Variants in CEP85L observed in about 807,000 individuals in gnomAD.
The protein encoded by CEP85L is centrosomal protein 85L.
A neutral mutation model predicts 100.3 loss-of-function variants in CEP85L; 60 were observed. That is an observed-to-expected ratio of 0.60 (90% CI 0.49 to 0.74). The LOEUF (loss-of-function observed/expected upper bound fraction) is 0.74. CEP85L is among the 30% of genes least tolerant of loss of function. The probability of loss-of-function intolerance (pLI) is 0.00; values close to 1 mark genes in which losing one functional copy is unlikely to be tolerated. For missense variants in CEP85L, 973 were observed against 936.2 expected (o/e 1.04, Z -0.51); for synonymous variants, 319 against 322.7 (o/e 0.99, Z 0.12).
At chr6:118,514,985 T>A (rs1397333174) in intron 4 of CEP85L, among the ~76,000 whole-genome samples, 2 of 151,594 alleles carry the variant, frequency 1.3e-5, no homozygotes, top group Admixed American at 6.6e-5. Context: ...TTTTTTTTTT[T>A]AATTTTGTGA....
intron 8 of CEP85L, among the ~76,000 whole-genome samples, chr6:118,481,160 C>T (rs12199189): frequency 0.029 from 4,475 of 151,934 alleles, 108 homozygotes; most frequent in African/African-American, 0.056. Flanking sequence ...AGGAGCCAAT[C>T]ACTTCAATTT....
chr6:118,498,461 A>C (rs1775061550), intron 5 of CEP85L, among the ~76,000 whole-genome samples: 1 of 152,214 alleles, frequency 6.6e-6, no homozygotes. Context: ...AGATTAATCT[A>C]CTATCGCAGT....
At chr6:118,644,086 G>C (rs1775040906) in intron 1 of CEP85L, among the ~76,000 whole-genome samples, 1 of 152,210 alleles carries the variant, frequency 6.6e-6, no homozygotes, top group African/African-American at 2.4e-5. Context: ...AGCTCCACTG[G>C]ATTAGATAAT....
At chr6:118,682,771 G>GCACACA (rs201043236) in intron 1 of CEP85L, among the ~76,000 whole-genome samples, 238 of 138,254 alleles carry the variant, frequency 1.7e-3, no homozygotes, top group Middle Eastern at 7.5e-3. Context: ...GCCTGAGCAT[G>GCACACA]CACACACACA....
intron 2 of CEP85L, among the ~76,000 whole-genome samples, chr6:118,566,811 T>C (rs1464241329): frequency 6.6e-6 from 1 of 152,236 alleles, no homozygotes; most frequent in Admixed American, 6.5e-5. Flanking sequence ...AGATTGGATT[T>C]TCTAAATATG....
At chr6:118,651,748 C>T (rs1264905330), upstream of CEP85L, 10 of 986,934 alleles carry the variant, frequency 1.0e-5, no homozygotes, top group Non-Finnish European at 1.1e-5. Context: ...CCCGCTTCGC[C>T]TCCTTGGCGG....
chr6:118,650,010 T>A (rs1775439239), intron 1 of CEP85L, among the ~76,000 whole-genome samples: 1 of 152,128 alleles, frequency 6.6e-6, no homozygotes, highest in South Asian at 2.1e-4. Context: ...CAGTGCCTGA[T>A]TTTTTTTAAA....
At position 118,650,416 on chromosome 6, in the gene CEP85L, G is replaced by A. The variant is rs564233909; in HGVS notation, c.73+781C>T. On this transcript the variant is annotated intron_variant, in intron 1 of 12. Transcript: ENST00000368491. ...GGCTCCTACACAACTTCTGAGCGAC[G>A]CAAGCATGAAATGGCTGTCCGATAC... Among the ~76,000 whole-genome samples, 13 of 152,274 alleles carry A rather than the reference G, an allele frequency of 8.5e-5. No homozygotes were observed. In the South Asian group the frequency reaches 2.7e-3, roughly 32 times the overall value.
chr6:118,489,371 A>G (rs1195334664), intron 6 of CEP85L, among the ~76,000 whole-genome samples: 1 of 152,196 alleles, frequency 6.6e-6, no homozygotes, highest in Non-Finnish European at 1.5e-5. Flanking sequence ...AAAAATGTCA[A>G]GAGGAATTCT....
chr6:118,648,538 G>A (rs746946101), intron 1 of CEP85L, among the ~76,000 whole-genome samples: 46 of 151,966 alleles, frequency 3.0e-4, no homozygotes, highest in Non-Finnish European at 5.6e-4. Flanking sequence ...TCAGGAGATC[G>A]AGACCACCCT....
intron 3 of CEP85L, among the ~76,000 whole-genome samples, chr6:118,526,773 G>C (rs1324029132): frequency 1.3e-5 from 2 of 152,178 alleles, no homozygotes; most frequent in African/African-American, 4.8e-5. Flanking sequence ...ACTCCCACCA[G>C]TGCCATAACA....
intron 5 of CEP85L, among the ~76,000 whole-genome samples, chr6:118,496,292 C>T (rs189439306): frequency 1.3e-5 from 2 of 152,056 alleles, no homozygotes; most frequent in Non-Finnish European, 2.9e-5. Flanking sequence ...AGGAGATGGA[C>T]GCAGGGCACA....
intron 12 of CEP85L, among the ~76,000 whole-genome samples, chr6:118,465,881 G>C (rs1264657256): frequency 6.6e-6 from 1 of 152,124 alleles, no homozygotes; most frequent in Non-Finnish European, 1.5e-5. Context: ...AGCTCAACTA[G>C]AGCACTCAGT....
At chr6:118,524,247 A>C (rs12333080) in intron 3 of CEP85L, among the ~76,000 whole-genome samples, 24,966 of 152,148 alleles carry the variant, frequency 0.16, 2,208 homozygotes, top group Non-Finnish European at 0.19. Flanking sequence ...GATCACCACC[A>C]TCCTGGCTAA....
At chr6:118,625,214 A>T (rs962525323) in intron 2 of CEP85L, among the ~76,000 whole-genome samples, 2 of 152,252 alleles carry the variant, frequency 1.3e-5, no homozygotes, top group Non-Finnish European at 2.9e-5. Flanking sequence ...CTCAGGTTTC[A>T]CCTGTCTAAC....
intron 3 of CEP85L, among the ~76,000 whole-genome samples, chr6:118,558,656 C>CAGAG (rs1413401167): frequency 1.3e-3 from 175 of 133,912 alleles, no homozygotes; most frequent in Non-Finnish European, 2.2e-3. Context: ...CACACACACA[C>CAGAG]ACACAGAGAG....
At position 118,565,878 on chromosome 6, in the gene CEP85L, G is replaced by T; in HGVS notation, c.671C>A (p.Ser224Ter). The change falls in exon 3 of 13, where the codon TCA becomes TAA. Residue 224 changes from serine (S) to a stop codon, truncating the protein, a stop_gained. Transcript: ENST00000368491. LOFTEE classifies it high-confidence loss of function. ...AAATTTATACTTGCAGTCCAGAGTT[G>T]ATGACCGTTTTTTATTTATTTCCTT... ...EDKEINKKRS[S>*]TLDCKYKFES... is the part of the protein sequence containing the mutation. 1 of 1,614,046 alleles carries T rather than the reference G, an allele frequency of 6.2e-7. No homozygotes were observed. Among genetic ancestry groups the T allele is most frequent in the Non-Finnish European group, 8.5e-7 (1 of 1,180,012 alleles).
rs542653407 is a variant in CEP85L at position 118,469,666 on chromosome 6, T to C, written c.2023-363A>G. ...AGGCTGGAGTACAGTGGCGCAATCA[T>C]GACTCACTACTGCAGCCTTGACCTC... On this transcript the variant is annotated intron_variant, in intron 11 of 12. Transcript: ENST00000368491. 2.0e-3 allele frequency among the ~76,000 whole-genome samples: 298 copies of C among 152,230 alleles called. 6 individuals are homozygous for C. The highest frequency in any genetic ancestry group is 4.9e-4 in the Non-Finnish European group (33 of 68,002).
At chr6:118,619,471 A>G (rs1197202446) in intron 2 of CEP85L, among the ~76,000 whole-genome samples, 1 of 152,202 alleles carries the variant, frequency 6.6e-6, no homozygotes, top group East Asian at 1.9e-4. Flanking sequence ...CCCAAATGAC[A>G]AAAACCCACA....
Sources: allele counts gnomAD v4.1 joint callset (sites outside exome capture counted in the v4.1 genomes callset), GRCh38; gene constraint gnomAD v4.1.1; transcripts MANE v1.5; gene names NCBI Gene and HGNC (gene_info 2026-07-23, HGNC 2026-07-21).